Variants in UBN2 observed in about 807,000 individuals in gnomAD.
UBN2 encodes the protein ubinuclein 2.
UBN2 carries 35 observed loss-of-function variants against 120.2 expected under a neutral mutation model. That is an observed-to-expected ratio of 0.29 (90% CI 0.22 to 0.39). The LOEUF (loss-of-function observed/expected upper bound fraction) is 0.39, where lower values mean the gene tolerates loss of function less well. Among genes scored for constraint, UBN2 ranks in the 10% least tolerant of loss-of-function variants. The pLI is 1.00. For missense variants in UBN2, 1,693 were observed against 1,663.2 expected, an observed-to-expected ratio of 1.02 and a Z score of -0.31; for synonymous variants, 661 against 648.7, an observed-to-expected ratio of 1.02 and a Z score of -0.29.
chr7:139,324,668 G>A, the UBN2 span, among the ~76,000 whole-genome samples: 2 of 150,568 alleles, frequency 1.3e-5, no homozygotes, highest in African/African-American at 2.4e-5. Context: ...GAAATAACGT[G>A]CTAAAGATTT....
chr7:139,318,564 GT>G, the UBN2 span, among the ~76,000 whole-genome samples: 1 of 152,038 alleles, frequency 6.6e-6, no homozygotes, highest in African/African-American at 2.4e-5. Flanking sequence ...ATGCAGTGTT[GT>G]GATCATTCCT....
At chr7:139,232,795 T>A (rs1031908354) in intron 1 of UBN2, among the ~76,000 whole-genome samples, 11 of 152,364 alleles carry the variant, frequency 7.2e-5, no homozygotes, top group African/African-American at 2.6e-4. Flanking sequence ...TTGAATTTTT[T>A]AAAATAATTG....
At chr7:139,291,391 A>G (rs35192857) in intron 15 of UBN2, among the ~76,000 whole-genome samples, 1 of 151,434 alleles carries the variant, frequency 6.6e-6, no homozygotes, top group Non-Finnish European at 1.5e-5. Flanking sequence ...AACATGGAAA[A>G]CAAAAAAAAT....
chr7:139,232,533 G>GA (rs1796055579), intron 1 of UBN2, among the ~76,000 whole-genome samples: 1 of 152,312 alleles, frequency 6.6e-6, no homozygotes, highest in East Asian at 1.9e-4. Context: ...AGAGACTAAG[G>GA]ATCCCACTTT....
At chr7:139,272,544 T>A in intron 9 of UBN2, 104 bp downstream of exon 9, 1 of 712,920 alleles carries the variant, frequency 1.4e-6, no homozygotes, top group Non-Finnish European at 2.0e-6. Context: ...GTATGTATTT[T>A]GAGACGGAAT....
At chr7:139,311,635 CTG>C (rs1368344575), downstream of UBN2, among the ~76,000 whole-genome samples, 3 of 152,226 alleles carry the variant, frequency 2.0e-5, no homozygotes, top group Non-Finnish European at 4.4e-5. Context: ...TACTATTATT[CTG>C]TCTCTCCTCT....
chr7:139,276,049 C>A, intron 11 of UBN2, 48 bp from the exon 12 acceptor site: 2 of 1,423,006 alleles, frequency 1.4e-6, no homozygotes, highest in Non-Finnish European at 2.0e-6. Context: ...AATTATGTTA[C>A]TATCTGCTAT....
At chr7:139,294,041 T>A in intron 17 of UBN2, 60 bp downstream of exon 17, 1 of 1,533,670 alleles carries the variant, frequency 6.5e-7, no homozygotes, top group Non-Finnish European at 9.0e-7. Context: ...ATATGGATTA[T>A]ACTTTTCTGA....
chr7:139,240,851 C>T (rs1027518383), intron 2 of UBN2, among the ~76,000 whole-genome samples: 3 of 152,076 alleles, frequency 2.0e-5, no homozygotes, highest in African/African-American at 7.2e-5. Context: ...TATTAAGTAC[C>T]TATTTTTACC....
Position 139,299,012 on chromosome 7 carries a change from T to G in UBN2, c.*1176T>G, listed in dbSNP as rs1419700288. The G allele has an allele frequency of 1.3e-5, 2 of 152,194 alleles. No homozygotes were observed. Among genetic ancestry groups the G allele is most frequent in the Non-Finnish European group, 2.9e-5 (2 of 68,032 alleles). The allele number at this position is 152,194 out of a possible 1,614,324, so 9.4% of individuals were successfully genotyped here. On this transcript the variant is annotated 3_prime_UTR_variant, in exon 18 of 18. Coordinates refer to ENST00000473989, the MANE Select transcript of UBN2 (RefSeq NM_173569.4). ...CTGTATCCAGTGTAGTGAAATTGTT[T>G]GGAGCATTTGAGATCCTAAAGCTTC...
chr7:139,236,934 TAAAC>T (rs985285012), intron 1 of UBN2, 67 bp from the exon 2 acceptor site: 164 of 976,358 alleles, frequency 1.7e-4, no homozygotes, highest in East Asian at 1.1e-3. Context: ...TAATGATAAA[TAAAC>T]AAACAATAAT....
rs770152122 is a variant in UBN2, at chr7:139,283,949, C to G, written c.3044C>G (p.Ala1015Gly). The change falls in exon 15 of 18, where the codon GCC becomes GGC. Residue 1015 changes from alanine to glycine, a missense_variant. Physicochemically the swap from Ala to Gly is moderately conservative, Grantham distance 60. This residue lies in a region of UBN2 where 837 missense variants were observed against 817.6 expected (regional missense o/e 1.02). Transcript: ENST00000473989. ...PSTTTSSNYLAKAMVSQISTQ... is the reference protein window; with the variant it reads ...PSTTTSSNYLGKAMVSQISTQ... ...ACCACTACCTCCAGTAACTATTTAG[C>G]CAAGGCTATGGTGTCACAGATCTCC... 2 of 1,613,870 alleles carry G rather than the reference C, an allele frequency of 1.2e-6. No homozygotes were observed. Among genetic ancestry groups the G allele is most frequent in the South Asian group, 1.1e-5 (1 of 91,056 alleles).
intron 15 of UBN2, among the ~76,000 whole-genome samples, chr7:139,288,721 C>T (rs969071199): frequency 2.6e-5 from 4 of 151,808 alleles, no homozygotes; most frequent in Non-Finnish European, 4.4e-5. Context: ...AATTTAATTG[C>T]GGCCGGTCGT....
chr7:139,321,396 G>A, the UBN2 span, among the ~76,000 whole-genome samples: 1 of 152,222 alleles, frequency 6.6e-6, no homozygotes, highest in Non-Finnish European at 1.5e-5. Context: ...CGGAAAGTGT[G>A]ACATGTCTTC....
chr7:139,269,766 G>A (rs570757730), intron 8 of UBN2, among the ~76,000 whole-genome samples: 1 of 152,170 alleles, frequency 6.6e-6, no homozygotes, highest in Admixed American at 6.5e-5. Flanking sequence ...AATATAGTAG[G>A]TATGCTCTGA....
the UBN2 span, among the ~76,000 whole-genome samples, chr7:139,329,391 TA>T: frequency 8.0e-5 from 12 of 150,068 alleles, no homozygotes; most frequent in African/African-American, 1.2e-4. Context: ...ACATTAAGCT[TA>T]AAAAAAAAAT....
chr7:139,251,207 A>C (rs1280134327), intron 2 of UBN2, among the ~76,000 whole-genome samples: 1 of 152,230 alleles, frequency 6.6e-6, no homozygotes, highest in Non-Finnish European at 1.5e-5. Context: ...AATTTAAAAC[A>C]TAATTTTAAG....
intron 1 of UBN2, among the ~76,000 whole-genome samples, chr7:139,233,243 C>T (rs1796076176): frequency 6.6e-6 from 1 of 152,164 alleles, no homozygotes; most frequent in Non-Finnish European, 1.5e-5. Flanking sequence ...TCATTTTGGT[C>T]ACTTCCACCT....
chr7:139,306,377 A>G lies in UBN2; in HGVS notation c.*8541A>G, dbSNP rs1190153840. 1 of 152,212 alleles carries G rather than the reference A, an allele frequency of 6.6e-6. No individual in the cohort carries two copies. Among genetic ancestry groups the G allele is most frequent in the Non-Finnish European group, 1.5e-5 (1 of 68,048 alleles). 9.4% of individuals were successfully genotyped at this position (152,212 alleles called of 1,614,324 possible). A position where few individuals can be genotyped will look rare whatever the true frequency, so the allele number is the denominator to read the frequency against. ...TTTTCTTTACTATACCTGCAAAATT[A>G]CCAAGGGTTACCCCAATATTGTCTA... On this transcript the variant is annotated 3_prime_UTR_variant, in exon 18 of 18. Coordinates refer to ENST00000473989, the MANE Select transcript of UBN2 (RefSeq NM_173569.4).
Sources: gnomAD v4.1 joint callset for allele counts (sites outside exome capture counted in the v4.1 genomes callset) on GRCh38, gnomAD v4.1.1 for gene constraint, gnomAD v4.1.1 regional missense constraint, MANE v1.5 for transcripts, NCBI Gene and HGNC (gene_info 2026-07-23, HGNC 2026-07-21) for gene names.